The following U2SURP variants were observed in gnomAD, a reference collection of about 807,000 sequenced individuals.
The protein encoded by U2SURP is U2 snRNP associated SURP domain containing.
In U2SURP, 9 loss-of-function variants were observed where a neutral mutation model predicts 144.9. The ratio of observed to expected loss-of-function variants is 0.06; its 90% confidence interval spans 0.04 to 0.11. U2SURP has a LOEUF of 0.11. Ranked by LOEUF, U2SURP falls within the 10% of genes least tolerant of loss-of-function variation. U2SURP has a pLI of 1.00. For synonymous variants in U2SURP, 408 were observed against 396.8 expected (o/e 1.03, Z -0.33); for missense variants, 724 against 1,226.7 (o/e 0.59, Z 6.12).
rs143664020 is a variant in U2SURP at position 143,031,623 on chromosome 3, C to T, written c.1611-1161C>T. ...TTTTTAGACATACTGCTATTGCATACTTAATAGACTACAATATGGTATAAA... is the reference window on the plus strand; with the variant it reads ...TTTTTAGACATACTGCTATTGCATATTTAATAGACTACAATATGGTATAAA... On this transcript the variant is annotated intron_variant, in intron 16 of 27. Coordinates refer to ENST00000473835, the MANE Select transcript of U2SURP (RefSeq NM_001080415.2). 2.7e-4 allele frequency among the ~76,000 whole-genome samples: 41 copies of T among 152,282 alleles called. No individual in the cohort carries two copies. In the East Asian group the frequency reaches 3.9e-3, roughly 14 times the overall value.
At chr3:143,016,410 G>A in intron 5 of U2SURP, 39 bp downstream of exon 5, 2 of 1,550,478 alleles carry the variant, frequency 1.3e-6, no homozygotes, top group Non-Finnish European at 1.8e-6. Context: ...AAGCATAACT[G>A]TATTACAGTT....
Position 143,016,247 on chromosome 3 carries a change from G to C in U2SURP, c.322-10G>C. The C allele has an allele frequency of 6.2e-7, 1 of 1,607,358 alleles. No individual in the cohort carries two copies. Among genetic ancestry groups the C allele is most frequent in the Non-Finnish European group, 8.5e-7 (1 of 1,174,666 alleles). On this transcript the variant is annotated splice_polypyrimidine_tract_variant and intron_variant, in intron 4 of 27. Transcript: ENST00000473835. ...TATTGTGTAATATTAATATTTTCAT[G>C]TGTATTTAGGAGGATGAAAAGGCAG...
At chr3:143,041,969 TACACAC>T (rs10550292) in intron 23 of U2SURP, among the ~76,000 whole-genome samples, 3 of 149,424 alleles carry the variant, frequency 2.0e-5, no homozygotes, top group South Asian at 2.1e-4. Flanking sequence ...GCCAATAGTA[TACACAC>T]ACACACACAC....
intron 24 of U2SURP, among the ~76,000 whole-genome samples, chr3:143,049,251 G>C (rs1934713229): frequency 8.0e-6 from 1 of 125,170 alleles, no homozygotes; most frequent in Non-Finnish European, 1.7e-5. Flanking sequence ...GGGCAACAGA[G>C]TAAGACTCCA....
chr3:143,038,256 AT>A, intron 22 of U2SURP, 53 bp downstream of exon 22: 1 of 1,309,694 alleles, frequency 7.6e-7, no homozygotes. Flanking sequence ...TACGTTAATT[AT>A]TGGTGTGCTT....
At chr3:143,044,968 A>G (rs1934344572) in intron 24 of U2SURP, among the ~76,000 whole-genome samples, 1 of 152,214 alleles carries the variant, frequency 6.6e-6, no homozygotes. Context: ...ATGTATTCAT[A>G]TACATTTTAA....
chr3:143,049,265 CAAAAAAAAAAAAAAAAAA>C (rs200930787), intron 24 of U2SURP, among the ~76,000 whole-genome samples: 2 of 81,520 alleles, frequency 2.5e-5, no homozygotes, highest in Non-Finnish European at 4.7e-5. Context: ...GACTCCATCT[CAAAAAAAAAAAAAAAAAA>C]AAAAAAAAAG....
At chr3:143,021,993 CTAT>C (rs1175229547) in intron 10 of U2SURP, among the ~76,000 whole-genome samples, 6 of 152,010 alleles carry the variant, frequency 3.9e-5, no homozygotes, top group Non-Finnish European at 5.9e-5. Context: ...ATATAATATG[CTAT>C]TATTAAAAAT....
intron 24 of U2SURP, among the ~76,000 whole-genome samples, chr3:143,044,385 C>T (rs1934301886): frequency 7.1e-6 from 1 of 140,516 alleles, no homozygotes; most frequent in Non-Finnish European, 1.5e-5. Context: ...AACCACCAGG[C>T]TCAAGAGATT....
At chr3:143,038,510 T>C (rs180993437) in intron 22 of U2SURP, among the ~76,000 whole-genome samples, 50 of 152,142 alleles carry the variant, frequency 3.3e-4, no homozygotes, top group African/African-American at 1.2e-3. Flanking sequence ...TAGAGGTCAG[T>C]TTCATAGAAA....
chr3:143,008,621 G>A (rs937986827), intron 1 of U2SURP, among the ~76,000 whole-genome samples: 1 of 152,122 alleles, frequency 6.6e-6, no homozygotes, highest in South Asian at 2.1e-4. Flanking sequence ...GATTTTTCTC[G>A]AAGTTTTTGT....
At chr3:143,033,216 T>C (rs1033034132) in intron 17 of U2SURP, 55 bp from the exon 18 acceptor site, 21 of 1,088,204 alleles carry the variant, frequency 1.9e-5, no homozygotes, top group Admixed American at 1.3e-4. Context: ...AATTAAATTA[T>C]AGCTAAACAT....
Position 143,012,338 on chromosome 3 carries a change from T to C in U2SURP, c.207T>C (p.His69=), listed in dbSNP as rs1936162402. The C allele has an allele frequency of 6.2e-7, 1 of 1,611,596 alleles. No individual in the cohort carries two copies. Among genetic ancestry groups the C allele is most frequent in the Non-Finnish European group, 8.5e-7 (1 of 1,178,640 alleles). ...SARESLCDSP[H]QNLSRPLLEN... ...GTGAAAGCCTTTGTGATTCTCCTCA[T>C]CAGAATCTCTCAAGAGTGAGTATAG... The change falls in exon 3 of 28, where the codon CAT becomes CAC. Residue 69 remains histidine, a synonymous_variant. Transcript: ENST00000473835.
chr3:143,028,035 A>G (rs1933257184), intron 14 of U2SURP, among the ~76,000 whole-genome samples: 1 of 152,116 alleles, frequency 6.6e-6, no homozygotes, highest in South Asian at 2.1e-4. Flanking sequence ...TTGTAATTAC[A>G]TATTGGGAAA....
intron 24 of U2SURP, among the ~76,000 whole-genome samples, chr3:143,044,005 G>A (rs1053100022): frequency 2.0e-5 from 3 of 151,756 alleles, no homozygotes; most frequent in South Asian, 2.1e-4. Flanking sequence ...CGCCCACCTC[G>A]GCCTCCCAAA....
chr3:143,039,887 T>TA (rs1257999303), intron 23 of U2SURP, among the ~76,000 whole-genome samples: 1 of 151,920 alleles, frequency 6.6e-6, no homozygotes, highest in East Asian at 1.9e-4. Context: ...TTGGTGTGAT[T>TA]AGAACAAGTC....
intron 24 of U2SURP, among the ~76,000 whole-genome samples, chr3:143,044,288 C>CTTTTTTT (rs1934283462): frequency 4.0e-5 from 1 of 25,246 alleles, no homozygotes. Flanking sequence ...TCTCCCCTCT[C>CTTTTTTT]CTTTTTTTTT....
chr3:143,011,686 T>C (rs1210781929), intron 2 of U2SURP, among the ~76,000 whole-genome samples: 1 of 152,146 alleles, frequency 6.6e-6, no homozygotes, highest in Non-Finnish European at 1.5e-5. Context: ...TTTTTACTGC[T>C]TGATGATGCA....
Position 143,014,341 on chromosome 3 carries a change from A to G in U2SURP, c.253A>G (p.Ser85Gly). Reference sequence around the variant, plus strand: ...TCTGGAAAACAAACTTAAAGCATTCAGTATTGGAAAAATGAGTACAGCTAA... The same window carrying G: ...TCTGGAAAACAAACTTAAAGCATTCGGTATTGGAAAAATGAGTACAGCTAA... The part of the protein sequence containing the change: ...PLLENKLKAF[S>G]IGKMSTAKRT... The change falls in exon 4 of 28, where the codon AGT becomes GGT. Residue 85 changes from serine to glycine, a missense_variant. Ser to Gly is a moderately conservative substitution (Grantham distance 56, BLOSUM62 0). Transcript: ENST00000473835. 6.2e-7 allele frequency: 1 copy of G among 1,608,650 alleles called. No individual in the cohort carries two copies. The highest frequency in any genetic ancestry group is 8.5e-7 in the Non-Finnish European group (1 of 1,177,174).
Sources: gnomAD v4.1 joint callset for allele counts (sites outside exome capture counted in the v4.1 genomes callset) on GRCh38, gnomAD v4.1.1 for gene constraint, MANE v1.5 for transcripts, NCBI Gene and HGNC (gene_info 2026-07-23, HGNC 2026-07-21) for gene names.